CACNB4: variants seen among roughly 807,000 people sequenced by gnomAD.
The protein encoded by CACNB4 is voltage-dependent L-type calcium channel subunit beta-4.
Under a neutral mutation model 71.2 loss-of-function variants are expected in CACNB4, and 32 were observed. The observed-to-expected ratio is 0.45, with a 90% CI of 0.34 to 0.60. CACNB4 has a LOEUF of 0.60. Ranked by LOEUF, CACNB4 falls within the 20% of genes least tolerant of loss-of-function variation. The pLI is 0.01. For missense variants in CACNB4, 464 were observed against 647.9 expected (o/e 0.72, Z 3.08); for synonymous variants, 231 against 236.9 (o/e 0.97, Z 0.23).
chr2:151,977,674 T>C (rs1295650163), intron 2 of CACNB4, among the ~76,000 whole-genome samples: 2 of 152,196 alleles, frequency 1.3e-5, no homozygotes, highest in Admixed American at 1.3e-4. Flanking sequence ...GACAAACTGG[T>C]GCAGATTTAG....
At chr2:152,050,415 C>G (rs1049299475) in intron 2 of CACNB4, among the ~76,000 whole-genome samples, 1 of 152,216 alleles carries the variant, frequency 6.6e-6, no homozygotes, top group African/African-American at 2.4e-5. Context: ...GAACAAGAAC[C>G]TCTAATCAGT....
chr2:152,039,892 AAAG>A (rs10579960), intron 2 of CACNB4, among the ~76,000 whole-genome samples: 39,584 of 152,124 alleles, frequency 0.26, 6,248 homozygotes, highest in East Asian at 0.76. Context: ...ATGCAGAAAA[AAAG>A]AAGAAGTTTA....
chr2:151,917,265 T>C (rs1432351892), intron 2 of CACNB4, among the ~76,000 whole-genome samples: 3 of 152,208 alleles, frequency 2.0e-5, no homozygotes, highest in Non-Finnish European at 4.4e-5. Flanking sequence ...ACTGCCAATT[T>C]GGAAGGCACC....
intron 2 of CACNB4, among the ~76,000 whole-genome samples, chr2:151,894,623 C>T (rs945188593): frequency 2.6e-5 from 4 of 152,116 alleles, no homozygotes; most frequent in Non-Finnish European, 5.9e-5. Flanking sequence ...CAAACTGTCC[C>T]TCTTTACAGA....
intron 2 of CACNB4, among the ~76,000 whole-genome samples, chr2:152,051,518 C>T (rs368380519): frequency 6.6e-4 from 100 of 152,182 alleles, no homozygotes; most frequent in African/African-American, 2.2e-3. Flanking sequence ...AGGGTGAAGC[C>T]CTCCTGATGG....
At chr2:151,860,956 T>A in intron 9 of CACNB4, 136 bp from the exon 10 acceptor site, 1 of 630,944 alleles carries the variant, frequency 1.6e-6, no homozygotes, top group South Asian at 1.9e-5. Flanking sequence ...TGGCCACAAG[T>A]ATTTTAAACA....
intron 2 of CACNB4, among the ~76,000 whole-genome samples, chr2:151,924,201 C>T (rs1196316220): frequency 6.6e-6 from 1 of 150,862 alleles, no homozygotes; most frequent in African/African-American, 2.4e-5. Context: ...GCCTCAACCT[C>T]CCGAGTAGCT....
At chr2:151,998,085 G>A (rs1240062295) in intron 2 of CACNB4, among the ~76,000 whole-genome samples, 2 of 152,200 alleles carry the variant, frequency 1.3e-5, no homozygotes, top group Non-Finnish European at 2.9e-5. Context: ...CACTTTGGGA[G>A]GCCAAGGTGG....
intron 10 of CACNB4, among the ~76,000 whole-genome samples, chr2:151,856,187 T>C (rs1390932460): frequency 4.0e-5 from 6 of 149,906 alleles, no homozygotes; most frequent in Non-Finnish European, 8.9e-5. Context: ...ATAATCAACA[T>C]AGGACATGGC....
chr2:151,904,302 G>A (rs115722921), intron 2 of CACNB4, among the ~76,000 whole-genome samples: 100 of 152,114 alleles, frequency 6.6e-4, no homozygotes, highest in African/African-American at 2.2e-3. Context: ...ATTATTCCTC[G>A]GCCAATCACA....
At chr2:152,005,569 A>G (rs1682677662) in intron 2 of CACNB4, among the ~76,000 whole-genome samples, 1 of 152,210 alleles carries the variant, frequency 6.6e-6, no homozygotes, top group South Asian at 2.1e-4. Context: ...TACTATGTTC[A>G]TGATCTGGGT....
At position 151,913,637 on chromosome 2, in the gene CACNB4, G is replaced by C. The variant is rs138905315; in HGVS notation, c.148-30267C>G. On this transcript the variant is annotated intron_variant, in intron 2 of 13. Coordinates refer to ENST00000539935, the MANE Select transcript of CACNB4 (RefSeq NM_000726.5). ...AAAAAATCGCCAGGGGTGGTGATGG[G>C]TATCTGTAGTCCCAGCTACTCAGGA... is the stretch of plus-strand genomic sequence containing the variant. 9.7e-3 allele frequency among the ~76,000 whole-genome samples: 1,468 copies of C among 151,852 alleles called. 22 individuals are homozygous for C. The highest frequency in any genetic ancestry group is 0.032 in the African/African-American group (1,333 of 41,382).
At chr2:152,002,764 G>A (rs1467876350) in intron 2 of CACNB4, among the ~76,000 whole-genome samples, 2 of 152,218 alleles carry the variant, frequency 1.3e-5, no homozygotes, top group East Asian at 1.9e-4. Context: ...AGATACAGCA[G>A]CATCAAAATG....
chr2:151,929,149 C>T (rs2099860995), intron 2 of CACNB4, among the ~76,000 whole-genome samples: 1 of 151,932 alleles, frequency 6.6e-6, no homozygotes. Context: ...CCTCCTACTA[C>T]TCAGGGGGAA....
At chr2:151,849,817 A>G (rs1246019608) in intron 12 of CACNB4, among the ~76,000 whole-genome samples, 2 of 152,146 alleles carry the variant, frequency 1.3e-5, no homozygotes, top group African/African-American at 4.8e-5. Flanking sequence ...GGATTATTTT[A>G]TTGCAGAGTA....
At chr2:151,973,317 C>T (rs554186268) in intron 2 of CACNB4, 3 of 219,220 alleles carry the variant, frequency 1.4e-5, no homozygotes, top group East Asian at 1.0e-4. Flanking sequence ...TTCTATGAAC[C>T]CTGCTATTGG....
intron 2 of CACNB4, among the ~76,000 whole-genome samples, chr2:152,016,557 CT>C (rs1436903610): frequency 6.6e-6 from 1 of 152,190 alleles, no homozygotes; most frequent in Non-Finnish European, 1.5e-5. Flanking sequence ...AAAATTAAGG[CT>C]CATGACAGTG....
intron 2 of CACNB4, among the ~76,000 whole-genome samples, chr2:152,021,273 C>T (rs1296672634): frequency 6.6e-6 from 1 of 152,080 alleles, no homozygotes; most frequent in African/African-American, 2.4e-5. Context: ...AACTCTGAAA[C>T]ATTAAAACAA....
chr2:151,847,366 C>A (rs186402381), intron 12 of CACNB4, among the ~76,000 whole-genome samples: 8 of 151,890 alleles, frequency 5.3e-5, no homozygotes, highest in Admixed American at 5.2e-4. Context: ...CCTGTCTCAA[C>A]AAAACAAAAC....
Sources: gnomAD v4.1 joint callset for allele counts (sites outside exome capture counted in the v4.1 genomes callset) on GRCh38, gnomAD v4.1.1 for gene constraint, MANE v1.5 for transcripts, NCBI Gene and HGNC (gene_info 2026-07-23, HGNC 2026-07-21) for gene names.